NLGN4Y: variants seen among roughly 807,000 people sequenced by gnomAD.
The protein encoded by NLGN4Y is neuroligin 4 Y-linked, also known as neuroligin-4, Y-linked.
NLGN4Y carries 4 observed loss-of-function variants against 8.4 expected under a neutral mutation model. That is an observed-to-expected ratio of 0.48 (90% CI 0.23 to 1.09). NLGN4Y has a LOEUF of 1.09. Among genes scored for constraint, NLGN4Y ranks in the 50% least tolerant of loss-of-function variants. The probability of loss-of-function intolerance (pLI) is 0.19; values close to 1 mark genes in which losing one functional copy is unlikely to be tolerated. For synonymous variants in NLGN4Y, 35 were observed against 75.6 expected (o/e 0.46, Z 2.78); for missense variants, 90 against 192.3 (o/e 0.47, Z 3.15).
chrY:14,719,542 C>T, intron 3 of NLGN4Y, 24 bp downstream of exon 3: 1 of 216,366 alleles, frequency 4.6e-6, no homozygotes, highest in Non-Finnish European at 7.1e-6. Flanking sequence ...TTTCAAAGCT[C>T]AACCCTGATG....
chrY:14,801,917 T>C (rs2043034341), intron 4 of NLGN4Y, among the ~76,000 whole-genome samples: 1 of 33,569 alleles, frequency 3.0e-5, no homozygotes, highest in Non-Finnish European at 7.4e-5. Flanking sequence ...CAAAGCACTG[T>C]TCCCCCAATT....
At chrY:14,643,348 A>T in intron 2 of NLGN4Y, among the ~76,000 whole-genome samples, 1 of 33,291 alleles carries the variant, frequency 3.0e-5, no homozygotes, top group Non-Finnish European at 7.4e-5. Flanking sequence ...TGGGGGAAAA[A>T]TCTTACCTAG....
intron 2 of NLGN4Y, among the ~76,000 whole-genome samples, chrY:14,674,746 G>T: frequency 6.1e-5 from 2 of 33,033 alleles, no homozygotes; most frequent in Non-Finnish European, 7.4e-5. Flanking sequence ...GCATATTCAG[G>T]CTGTGCTCCA....
intron 1 of NLGN4Y, among the ~76,000 whole-genome samples, chrY:14,553,672 A>G: frequency 3.3e-5 from 1 of 30,429 alleles, no homozygotes; most frequent in African/African-American, 1.3e-4. Context: ...TAATGTGTAA[A>G]TATATATTCA....
intron 4 of NLGN4Y, among the ~76,000 whole-genome samples, chrY:14,757,670 G>T (rs2081065786): frequency 2.9e-5 from 1 of 34,037 alleles, no homozygotes; most frequent in Non-Finnish European, 7.3e-5. Context: ...TTGATCTTAT[G>T]GGCTCATGTG....
chrY:14,743,956 T>A, intron 4 of NLGN4Y, among the ~76,000 whole-genome samples: 5 of 33,342 alleles, frequency 1.5e-4, no homozygotes, highest in Admixed American at 5.5e-4. Flanking sequence ...AAGCTGGATA[T>A]CACTTTCCAG....
chrY:14,627,338 C>A, intron 2 of NLGN4Y, among the ~76,000 whole-genome samples: 1 of 33,982 alleles, frequency 2.9e-5, no homozygotes, highest in Non-Finnish European at 7.4e-5. Context: ...GTGGGCCCTG[C>A]AGAGCAGGGG....
At chrY:14,765,999 C>T (rs2081092523) in intron 4 of NLGN4Y, among the ~76,000 whole-genome samples, 1 of 32,924 alleles carries the variant, frequency 3.0e-5, no homozygotes, top group African/African-American at 1.2e-4. Context: ...CTTTTGATAC[C>T]CATCCAACCT....
intron 4 of NLGN4Y, among the ~76,000 whole-genome samples, chrY:14,777,776 G>T: frequency 3.1e-5 from 1 of 32,009 alleles, no homozygotes; most frequent in African/African-American, 1.2e-4. Context: ...TGTAATCCCA[G>T]CACTTTGGGA....
chrY:14,573,020 G>A, intron 1 of NLGN4Y, among the ~76,000 whole-genome samples: 1 of 33,126 alleles, frequency 3.0e-5, no homozygotes, highest in Non-Finnish European at 7.4e-5. Flanking sequence ...GAGGATTTTT[G>A]CCTAGGTGTT....
chrY:14,540,590 G>A, intron 1 of NLGN4Y, among the ~76,000 whole-genome samples: 1 of 33,535 alleles, frequency 3.0e-5, no homozygotes, highest in South Asian at 6.8e-4. Flanking sequence ...GCTGGCATCT[G>A]GCTGGTGCCC....
At chrY:14,581,760 A>G (rs2080321139) in intron 1 of NLGN4Y, among the ~76,000 whole-genome samples, 1 of 33,616 alleles carries the variant, frequency 3.0e-5, no homozygotes, top group Admixed American at 2.7e-4. Context: ...ATTTTCTTTC[A>G]TTATGATCTG....
At position 14,801,542 on chromosome Y, in the gene NLGN4Y, CAAAAAAAA is replaced by C. The variant is rs746849382; in HGVS notation, c.686-22632_686-22625del. Among the ~76,000 whole-genome samples, 12 of 5,170 alleles carry C rather than the reference CAAAAAAAA, an allele frequency of 2.3e-3. No homozygotes were observed. In the South Asian group the frequency reaches 0.043, roughly 19 times the overall value. 13.9% of individuals were successfully genotyped at this position (5,170 alleles called of 37,273 possible). On this transcript the variant is annotated intron_variant, in intron 4 of 6. Transcript: ENST00000684976. ...ACTTCACAATTTCTGTCAGATGAACCAAAAAAAAAAAAAAAAAAAAAGAGAGAGAGAGA... is the reference window on the plus strand; with the variant it reads ...ACTTCACAATTTCTGTCAGATGAACCAAAAAAAAAAAAAGAGAGAGAGAGA...
At chrY:14,692,324 G>C in intron 2 of NLGN4Y, among the ~76,000 whole-genome samples, 1 of 32,539 alleles carries the variant, frequency 3.1e-5, no homozygotes, top group Non-Finnish European at 7.5e-5. Flanking sequence ...CTAATTCTTA[G>C]TAATCTATAT....
At position 14,622,415 on chromosome Y, in the gene NLGN4Y, G is replaced by C; in HGVS notation, c.296G>C (p.Gly99Ala). ...CCAGAATCCCCATCCTCCTGGACTG[G>C]CATCCGAAATGCTACTCAGTTTTCT... ...QPPESPSSWT[G>A]IRNATQFSAV... Residue 99 changes from glycine (G) to alanine (A), a missense_variant, in exon 2 of 7, where the codon GGC becomes GCC. By Grantham distance (60) the Gly-to-Ala change is moderately conservative. Coordinates refer to ENST00000684976, the MANE Select transcript of NLGN4Y (RefSeq NM_001365588.1). 2.5e-6 allele frequency: 1 copy of C among 399,295 alleles called. No homozygotes were observed. Among genetic ancestry groups the C allele is most frequent in the South Asian group, 3.0e-5 (1 of 33,806 alleles).
chrY:14,761,612 G>A (rs770512581), intron 4 of NLGN4Y, among the ~76,000 whole-genome samples: 1 of 33,933 alleles, frequency 2.9e-5, no homozygotes, highest in East Asian at 7.8e-4. Flanking sequence ...AAGATTGATG[G>A]TTGAAGCAAA....
chrY:14,696,592 C>A, intron 2 of NLGN4Y, among the ~76,000 whole-genome samples: 1 of 32,430 alleles, frequency 3.1e-5, no homozygotes, highest in African/African-American at 1.2e-4. Context: ...GTCATTGGAT[C>A]GAGGGACCAT....
At chrY:14,834,133 C>T (rs375118756) in intron 6 of NLGN4Y, among the ~76,000 whole-genome samples, 265 of 32,950 alleles carry the variant, frequency 8.0e-3, no homozygotes, top group South Asian at 0.033. Context: ...TCTGAAAGAG[C>T]CGTGAGAATA....
chrY:14,561,429 C>T, intron 1 of NLGN4Y, among the ~76,000 whole-genome samples: 1 of 33,140 alleles, frequency 3.0e-5, no homozygotes, highest in Admixed American at 2.8e-4. Flanking sequence ...TTTATGTATT[C>T]CATGGTGTAT....
Sources: gnomAD v4.1 joint callset for allele counts (sites outside exome capture counted in the v4.1 genomes callset) on GRCh38, gnomAD v4.1.1 for gene constraint, MANE v1.5 for transcripts, NCBI Gene and HGNC (gene_info 2026-07-23, HGNC 2026-07-21) for gene names.